HSDL2: variants seen among roughly 807,000 people sequenced by gnomAD.
HSDL2 encodes hydroxysteroid dehydrogenase-like protein 2.
A neutral mutation model predicts 46.3 loss-of-function variants in HSDL2; 27 were observed. The observed-to-expected ratio is 0.58, with a 90% CI of 0.43 to 0.80. HSDL2 has a LOEUF of 0.80. Ranked by LOEUF, HSDL2 falls within the 30% of genes least tolerant of loss-of-function variation. The pLI, the probability that HSDL2 is intolerant of heterozygous loss-of-function variation, is 0.00. For missense variants in HSDL2, 451 were observed against 502.7 expected, an observed-to-expected ratio of 0.90 and a Z score of 0.98; for synonymous variants, 153 against 163.6, an observed-to-expected ratio of 0.94 and a Z score of 0.50.
chr9:112,405,936 A>G (rs1374919485), intron 3 of HSDL2, among the ~76,000 whole-genome samples: 3 of 152,076 alleles, frequency 2.0e-5, no homozygotes, highest in African/African-American at 7.2e-5. Context: ...CGAGGCAGGC[A>G]GATCACTTGA....
chr9:112,418,423 A>C (rs1385704866), intron 5 of HSDL2, among the ~76,000 whole-genome samples: 2 of 152,108 alleles, frequency 1.3e-5, no homozygotes, highest in East Asian at 3.9e-4. Context: ...CTCTACAAAA[A>C]AATTGAAAAA....
In HSDL2 at chr9:112,430,098, A is replaced by G. The variant is rs114383417; in HGVS notation, c.599-8333A>G. Reference sequence around the variant, plus strand: ...AACCCTATCTCAAAAAAAAAAAAAGAAAGAAAAGAGATGTTTGGCCTTTCT... The same window carrying G: ...AACCCTATCTCAAAAAAAAAAAAAGGAAGAAAAGAGATGTTTGGCCTTTCT... On this transcript the variant is annotated intron_variant, in intron 6 of 10. Transcript: ENST00000398805. Among the ~76,000 whole-genome samples the G allele has an allele frequency of 4.0e-3, 608 of 151,988 alleles. 5 individuals carry two copies. Among genetic ancestry groups the G allele is most frequent in the African/African-American group, 0.014 (586 of 41,474 alleles).
intron 9 of HSDL2, among the ~76,000 whole-genome samples, chr9:112,457,948 T>G (rs1308708073): frequency 6.6e-6 from 1 of 152,232 alleles, no homozygotes; most frequent in Non-Finnish European, 1.5e-5. Flanking sequence ...TTATCTACAC[T>G]GCAGGTAGGG....
chr9:112,432,572 G>A (rs1832432101), intron 6 of HSDL2, among the ~76,000 whole-genome samples: 1 of 152,162 alleles, frequency 6.6e-6, no homozygotes, highest in Admixed American at 6.6e-5. Flanking sequence ...GAATATAGAG[G>A]GCATTATCTG....
intron 6 of HSDL2, among the ~76,000 whole-genome samples, chr9:112,438,032 G>A (rs1023108908): frequency 2.6e-5 from 4 of 152,062 alleles, no homozygotes; most frequent in African/African-American, 9.7e-5. Context: ...CGGATCACAA[G>A]GTCAGGAGTT....
intron 1 of HSDL2, among the ~76,000 whole-genome samples, chr9:112,400,737 C>T (rs532618244): frequency 6.6e-6 from 1 of 152,334 alleles, no homozygotes; most frequent in South Asian, 2.1e-4. Flanking sequence ...GGGTAGAATC[C>T]TTCCTTGCTT....
At chr9:112,460,005 G>C (rs1833155724) in intron 10 of HSDL2, among the ~76,000 whole-genome samples, 1 of 152,146 alleles carries the variant, frequency 6.6e-6, no homozygotes, top group Non-Finnish European at 1.5e-5. Context: ...CCAGCCCTTG[G>C]CCATGGCCTA....
chr9:112,443,684 T>C (rs1163590250), intron 8 of HSDL2, among the ~76,000 whole-genome samples: 1 of 152,174 alleles, frequency 6.6e-6, no homozygotes, highest in Non-Finnish European at 1.5e-5. Flanking sequence ...GAGCTATGAT[T>C]GAGCTACAGC....
chr9:112,442,475 T>C (rs1267502655), intron 8 of HSDL2, among the ~76,000 whole-genome samples: 1 of 152,180 alleles, frequency 6.6e-6, no homozygotes, highest in Non-Finnish European at 1.5e-5. Flanking sequence ...TTGTGTTATG[T>C]GACTATTTTA....
At chr9:112,468,985 T>G (rs1223670381) in intron 10 of HSDL2, among the ~76,000 whole-genome samples, 1 of 152,196 alleles carries the variant, frequency 6.6e-6, no homozygotes, top group Non-Finnish European at 1.5e-5. Flanking sequence ...TATCTGTGTT[T>G]TTGGACGGGC....
At chr9:112,444,263 T>G (rs1339347834) in intron 8 of HSDL2, among the ~76,000 whole-genome samples, 2 of 152,248 alleles carry the variant, frequency 1.3e-5, no homozygotes, top group Non-Finnish European at 2.9e-5. Flanking sequence ...TGTGTATCCC[T>G]TGTTTCCAAA....
rs537872171 is a variant in HSDL2 at position 112,410,020 on chromosome 9, T to G, written c.395+999T>G. Among the ~76,000 whole-genome samples, 4 of 151,242 alleles carry G rather than the reference T, an allele frequency of 2.6e-5. No homozygotes were observed. In the East Asian group the frequency reaches 7.8e-4, roughly 30 times the overall value. ...TCCTTCCTCTGAAAAAGACCTGGCG[T>G]TAAAAAAAAAAAAAGACGTAGGTTT... On this transcript the variant is annotated intron_variant, in intron 4 of 10. Transcript: ENST00000398805.
At chr9:112,417,842 C>A (rs1318220655) in intron 5 of HSDL2, among the ~76,000 whole-genome samples, 1 of 149,926 alleles carries the variant, frequency 6.7e-6, no homozygotes, top group Non-Finnish European at 1.5e-5. Flanking sequence ...CTTTGGGAAG[C>A]CGAGACAGGC....
At chr9:112,409,075 C>T in intron 4 of HSDL2, 54 bp downstream of exon 4, 1 of 992,800 alleles carries the variant, frequency 1.0e-6, no homozygotes, top group Non-Finnish European at 1.6e-6. Flanking sequence ...TCTCAGGGAA[C>T]TTACATAGTT....
intron 7 of HSDL2, among the ~76,000 whole-genome samples, chr9:112,441,088 T>C (rs1832628398): frequency 6.6e-6 from 1 of 152,104 alleles, no homozygotes; most frequent in African/African-American, 2.4e-5. Flanking sequence ...TGGTCCCTGT[T>C]ACTTGGGAGG....
At chr9:112,381,586 C>G (rs1831096951) in intron 1 of HSDL2, among the ~76,000 whole-genome samples, 1 of 152,142 alleles carries the variant, frequency 6.6e-6, no homozygotes, top group African/African-American at 2.4e-5. Context: ...AATCTCATGA[C>G]CTCGTGATCC....
At chr9:112,468,222 G>A (rs1311391008) in intron 10 of HSDL2, among the ~76,000 whole-genome samples, 1 of 152,114 alleles carries the variant, frequency 6.6e-6, no homozygotes, top group Non-Finnish European at 1.5e-5. Flanking sequence ...ATTTCTCTGT[G>A]GTAGTCTGAT....
At chr9:112,446,904 G>A (rs536342024) in intron 8 of HSDL2, among the ~76,000 whole-genome samples, 3 of 152,182 alleles carry the variant, frequency 2.0e-5, no homozygotes, top group Non-Finnish European at 4.4e-5. Context: ...GATCTTAGTT[G>A]GTACAAGCCC....
intron 6 of HSDL2, among the ~76,000 whole-genome samples, chr9:112,429,134 G>T (rs1318802778): frequency 6.6e-6 from 1 of 152,202 alleles, no homozygotes; most frequent in Non-Finnish European, 1.5e-5. Flanking sequence ...CCTGACCTTA[G>T]GAGATCTGCC....
Sources: allele counts gnomAD v4.1 joint callset (sites outside exome capture counted in the v4.1 genomes callset), GRCh38; gene constraint gnomAD v4.1.1; transcripts MANE v1.5; gene names NCBI Gene and HGNC (gene_info 2026-07-23, HGNC 2026-07-21).